The following DDX51 variants were observed in gnomAD, a reference collection of about 807,000 sequenced individuals.
DDX51 encodes the protein DEAD-box helicase 51.
A neutral mutation model predicts 74.6 loss-of-function variants in DDX51; 67 were observed. That is an observed-to-expected ratio of 0.90 (90% CI 0.74 to 1.10). The LOEUF (loss-of-function observed/expected upper bound fraction) is 1.10. Among genes scored for constraint, DDX51 ranks in the 50% least tolerant of loss-of-function variants. DDX51 has a pLI of 0.00. For synonymous variants in DDX51, 545 were observed against 402.9 expected (o/e 1.35, Z -4.22); for missense variants, 1,056 against 905.2 (o/e 1.17, Z -2.14).
At position 132,140,745 on chromosome 12, in the gene DDX51, C is replaced by T. The variant is rs546587047; in HGVS notation, c.1441-10G>A. ...AGGGCACGTAGTGGTGCTACAGGGA[C>T]GGCAGGGGGTCGGGGTGGAGGTGAG... On this transcript the variant is annotated splice_polypyrimidine_tract_variant and intron_variant, in intron 9 of 14. Transcript: ENST00000397333. 46 of 1,612,890 alleles carry T rather than the reference C, an allele frequency of 2.9e-5. No individual in the cohort carries two copies. The highest frequency in any genetic ancestry group is 2.1e-4 in the African/African-American group (16 of 74,920).
intron 14 of DDX51, 73 bp downstream of exon 14, chr12:132,139,562 C>T: frequency 6.2e-7 from 1 of 1,611,382 alleles, no homozygotes; most frequent in Non-Finnish European, 8.5e-7. Context: ...CTCTTTTCTC[C>T]ACGTGTGGTG....
intron 2 of DDX51, 123 bp downstream of exon 2, chr12:132,143,566 CTGGCAG>C: frequency 7.9e-7 from 1 of 1,261,516 alleles, no homozygotes; most frequent in Non-Finnish European, 1.1e-6. Context: ...AACTGCAGAC[CTGGCAG>C]CGAGGCGCGG....
At chr12:132,143,593 G>T in intron 2 of DDX51, 102 bp downstream of exon 2, 1 of 1,440,206 alleles carries the variant, frequency 6.9e-7, no homozygotes, top group Admixed American at 2.0e-5. Flanking sequence ...CTGTGACCCG[G>T]GAACATTCGC....
intron 3 of DDX51, 104 bp downstream of exon 3, chr12:132,142,624 T>G: frequency 1.3e-6 from 2 of 1,528,098 alleles, no homozygotes; most frequent in Non-Finnish European, 1.8e-6. Context: ...GAGACCACAC[T>G]TGGCACCGAT....
chr12:132,144,030 T>C lies in DDX51; in HGVS notation c.267A>G (p.Gly89=). The C allele has an allele frequency of 7.4e-7, 1 of 1,360,066 alleles. No individual in the cohort carries two copies. The highest frequency in any genetic ancestry group is 9.4e-7 in the Non-Finnish European group (1 of 1,061,824). The allele number at this position is 1,360,066 out of a possible 1,614,324, so 84.2% of individuals were successfully genotyped here. ...CCTCGCCGTCCGCCTTCCGTCGCTT[T>C]CCCTGCGGCGCCTCCGGGCTCCCCG... ...AEPGSPEAPQ[G]KRRKADGEDA... The change falls in exon 1 of 15, where the codon GGA becomes GGG. Residue 89 remains glycine (G), a synonymous_variant. Transcript: ENST00000397333.
chr12:132,137,468 T>C lies in DDX51; in HGVS notation c.*1804A>G, dbSNP rs910786878. The C allele has an allele frequency of 2.0e-5, 3 of 152,240 alleles. No homozygotes were observed. Among genetic ancestry groups the C allele is most frequent in the Non-Finnish European group, 4.4e-5 (3 of 68,046 alleles). 9.4% of individuals were successfully genotyped at this position (152,240 alleles called of 1,614,324 possible). ...GGCTTTACCCCGTCTACCTAAATCA[T>C]TTCTTTCTGCCTCCTGTAACAGTCG... On this transcript the variant is annotated 3_prime_UTR_variant, in exon 15 of 15. Coordinates refer to ENST00000397333, the MANE Select transcript of DDX51 (RefSeq NM_175066.4).
chr12:132,142,202 G>A lies in DDX51; in HGVS notation c.817-12C>T, dbSNP rs1565954878. 1.3e-6 allele frequency: 2 copies of A among 1,574,984 alleles called. No homozygotes were observed. The highest frequency in any genetic ancestry group is 1.4e-5 in the African/African-American group (1 of 74,058). On this transcript the variant is annotated splice_polypyrimidine_tract_variant and intron_variant, in intron 4 of 14. Transcript: ENST00000397333. ...CTCGAAAGCAGGGCCTGAGGGGGAA[G>A]GAGCGCCTGCGTCAGCAAGGCTGTT...
intron 3 of DDX51, 60 bp from the exon 4 acceptor site, chr12:132,142,482 C>A: frequency 6.3e-7 from 1 of 1,577,236 alleles, no homozygotes; most frequent in South Asian, 1.1e-5. Flanking sequence ...CCTGCCGCTT[C>A]CCTGCCTGTG....
At chr12:132,141,467 C>T in intron 7 of DDX51, 31 bp downstream of exon 7, 1 of 1,581,436 alleles carries the variant, frequency 6.3e-7, no homozygotes, top group Non-Finnish European at 8.6e-7. Context: ...GCCCTGAGCT[C>T]AAAGCCCAGG....
At chr12:132,139,484 C>T in intron 14 of DDX51, 151 bp downstream of exon 14, 2 of 1,555,762 alleles carry the variant, frequency 1.3e-6, no homozygotes, top group Non-Finnish European at 8.9e-7. Flanking sequence ...GGGCTCCCCG[C>T]CCTTGGGCCA....
In DDX51 at chr12:132,142,728, C is replaced by T; in HGVS notation, c.670G>A (p.Val224Ile). 1.2e-6 allele frequency: 2 copies of T among 1,612,624 alleles called. No homozygotes were observed. The highest frequency in any genetic ancestry group is 1.7e-6 in the Non-Finnish European group (2 of 1,179,952). The stretch of plus-strand genomic sequence containing the variant: ...AGCTGCCTGCCCGGGGCTGGGGCAC[C>T]TGGAAAGTAGGACGAGATGCCGTGT... ...RAHGISSYFP[V>I]QAAVIPALLE... is the part of the protein sequence containing the mutation. The change falls in exon 3 of 15, where the codon GTC becomes ATC. Residue 224 changes from valine (V) to isoleucine (I), a missense_variant and splice_region_variant. Val to Ile is a conservative substitution (Grantham distance 29). Coordinates refer to ENST00000397333, the MANE Select transcript of DDX51 (RefSeq NM_175066.4).
At chr12:132,142,017 G>C in intron 5 of DDX51, 61 bp from the exon 6 acceptor site, 1 of 1,609,218 alleles carries the variant, frequency 6.2e-7, no homozygotes, top group Non-Finnish European at 8.5e-7. Flanking sequence ...GCAGCAAAAA[G>C]GACCCCAGAT....
chr12:132,142,571 A>C, intron 3 of DDX51, 149 bp from the exon 4 acceptor site: 1 of 1,465,674 alleles, frequency 6.8e-7, no homozygotes, highest in Non-Finnish European at 9.0e-7. Context: ...GAGGAACGCC[A>C]GCCTCAGGAG....
rs774545137 is a variant in DDX51, at chr12:132,141,849, C to T, written c.995+1G>A. The T allele has an allele frequency of 5.0e-6, 8 of 1,613,036 alleles. No homozygotes were observed. Among genetic ancestry groups the T allele is most frequent in the South Asian group, 1.1e-5 (1 of 91,090 alleles). On this transcript the variant is annotated splice_donor_variant, in intron 6 of 14. Coordinates refer to ENST00000397333, the MANE Select transcript of DDX51 (RefSeq NM_175066.4). LOFTEE classifies it high-confidence loss of function. Reference sequence around the variant, plus strand: ...AAAACCCGCACCCTGACACAACCTACGTTTTCTGGACGAGGCTCTCCTGCT... The same window carrying T: ...AAAACCCGCACCCTGACACAACCTATGTTTTCTGGACGAGGCTCTCCTGCT...
At position 132,140,871 on chromosome 12, in the gene DDX51, T is replaced by G. The variant is rs1897428702; in HGVS notation, c.1400A>C (p.Asp467Ala). ...AAAGGCATACTTCCCCGAATCCCCG[T>G]CCCCATCTGTATCTTCCAGGCCCCT... ...AHRGLEDTDG[D>A]GDSGKYAFPV... Residue 467 changes from aspartate (D) to alanine (A), a missense_variant, in exon 9 of 15, where the codon GAC (aspartate) becomes GCC (alanine). Asp to Ala is a moderately radical substitution (Grantham distance 126, BLOSUM62 -2). Transcript: ENST00000397333. 6.2e-7 allele frequency: 1 copy of G among 1,613,420 alleles called. No homozygotes were observed. Among genetic ancestry groups the G allele is most frequent in the Non-Finnish European group, 8.5e-7 (1 of 1,179,968 alleles).
rs61942919 is a variant in DDX51, at chr12:132,140,482, G to A, written c.1614C>T (p.Arg538=). The A allele has an allele frequency of 6.9e-3, 11,135 of 1,613,252 alleles. 101 individuals are homozygous for A. Among genetic ancestry groups the A allele is most frequent in the South Asian group, 0.025 (2,308 of 91,086 alleles). The change falls in exon 11 of 15, where the codon CGC becomes CGT. Residue 538 remains arginine (R), a synonymous_variant. Coordinates refer to ENST00000397333, the MANE Select transcript of DDX51 (RefSeq NM_175066.4). The part of the protein sequence containing the change: ...GGVDVAEFSS[R]YGPGQRRMIL... ...TCATCCTCCTCTGGCCAGGCCCGTA[G>A]CGCGAGGAGAACTCAGCCACGTCCA...
chr12:132,144,078 C>T lies in DDX51; in HGVS notation c.219G>A (p.Arg73=), dbSNP rs1897600567. ...CCGGCTCCGCGTCGTTCACCCGCCG[C>T]CGCCGCCGGGGCCGCCGTCGCCTCC... is the stretch of plus-strand genomic sequence containing the variant. ...ATRRRRRPRR[R]RRVNDAEPGS... is the part of the protein sequence containing the mutation. Residue 73 remains arginine (R), a synonymous_variant, in exon 1 of 15, where the codon CGG becomes CGA. Coordinates refer to ENST00000397333, the MANE Select transcript of DDX51 (RefSeq NM_175066.4). 8.1e-7 allele frequency: 1 copy of T among 1,240,780 alleles called. No homozygotes were observed. The highest frequency in any genetic ancestry group is 1.0e-6 in the Non-Finnish European group (1 of 994,388). The allele number at this position is 1,240,780 out of a possible 1,614,324, so 76.9% of individuals were successfully genotyped here.
rs1593419792 is a variant in DDX51, at chr12:132,140,936, G to A, written c.1335C>T (p.Gly445=). The A allele has an allele frequency of 5.0e-6, 8 of 1,613,282 alleles. No individual in the cohort carries two copies. Among genetic ancestry groups the A allele is most frequent in the Non-Finnish European group, 6.8e-6 (8 of 1,179,930 alleles). The stretch of plus-strand genomic sequence containing the variant: ...TGGAGAAAAGCCGGGGCTGGTGGAG[G>A]CCCAGCTGCTGCAGCTTTTCAGGGT... ...TQNPEKLQQL[G]LHQPRLFSTG... is the part of the protein sequence containing the mutation. Residue 445 remains glycine, a synonymous_variant, in exon 9 of 15, where the codon GGC becomes GGT. Coordinates refer to ENST00000397333, the MANE Select transcript of DDX51 (RefSeq NM_175066.4).
chr12:132,140,393 C>T, intron 11 of DDX51, 30 bp downstream of exon 11: 1 of 1,611,712 alleles, frequency 6.2e-7, no homozygotes, highest in Non-Finnish European at 8.5e-7. Context: ...CCCCACCCCA[C>T]AGAGGCCTTG....
Sources: allele counts gnomAD v4.1 joint callset, GRCh38; gene constraint gnomAD v4.1.1; transcripts MANE v1.5; gene names NCBI Gene and HGNC (gene_info 2026-07-23, HGNC 2026-07-21).